PCDH15: variants seen among roughly 807,000 people sequenced by gnomAD.
PCDH15 encodes the protein protocadherin related 15.
Under a neutral mutation model 178.5 loss-of-function variants are expected in PCDH15, and 129 were observed. The ratio of observed to expected loss-of-function variants is 0.72; its 90% CI spans 0.63 to 0.84. The LOEUF is 0.84. Among genes scored for constraint, PCDH15 ranks in the 40% least tolerant of loss-of-function variants. PCDH15 has a pLI of 0.00. For missense variants in PCDH15, 2,230 were observed against 2,099.9 expected, an observed-to-expected ratio of 1.06 and a Z score of -1.21; for synonymous variants, 800 against 732.0, an observed-to-expected ratio of 1.09 and a Z score of -1.50.
At chr10:54,379,467 A>G (rs959899086) in intron 3 of PCDH15, among the ~76,000 whole-genome samples, 1 of 152,148 alleles carries the variant, frequency 6.6e-6, no homozygotes, top group East Asian at 1.9e-4. Context: ...CATGAAAGAC[A>G]AAACTAGTGT....
At chr10:54,778,780 C>T (rs912591690) in intron 1 of PCDH15, among the ~76,000 whole-genome samples, 2 of 151,972 alleles carry the variant, frequency 1.3e-5, no homozygotes, top group Admixed American at 6.6e-5. Flanking sequence ...ATTTAAGAGG[C>T]CTTGATAATT....
intron 3 of PCDH15, among the ~76,000 whole-genome samples, chr10:54,405,918 A>G (rs535464035): frequency 2.6e-5 from 4 of 152,028 alleles, no homozygotes; most frequent in Non-Finnish European, 5.9e-5. Context: ...CACAATTTTT[A>G]AAAAATGTAC....
chr10:55,232,172 G>T (rs1841246099), intron 1 of PCDH15, among the ~76,000 whole-genome samples: 1 of 151,078 alleles, frequency 6.6e-6, no homozygotes, highest in Admixed American at 6.6e-5. Flanking sequence ...AGTTTAATGA[G>T]GTAGATGTTA....
chr10:53,847,750 A>T (rs1195214775), intron 28 of PCDH15, among the ~76,000 whole-genome samples: 1 of 152,028 alleles, frequency 6.6e-6, no homozygotes, highest in Non-Finnish European at 1.5e-5. Flanking sequence ...AGGCCTTTGC[A>T]GCATCTCTGT....
intron 3 of PCDH15, among the ~76,000 whole-genome samples, chr10:54,387,625 T>C (rs905838380): frequency 6.6e-6 from 1 of 152,208 alleles, no homozygotes; most frequent in Non-Finnish European, 1.5e-5. Context: ...AAACTCACCA[T>C]ATCACCACAT....
At chr10:55,085,490 T>C (rs920983612) in intron 2 of PCDH15, among the ~76,000 whole-genome samples, 2 of 151,838 alleles carry the variant, frequency 1.3e-5, no homozygotes, top group African/African-American at 2.4e-5. Flanking sequence ...AAGAGTATAA[T>C]TGGAATGTTT....
At chr10:55,182,730 T>C (rs141815409) in intron 1 of PCDH15, among the ~76,000 whole-genome samples, 390 of 152,068 alleles carry the variant, frequency 2.6e-3, no homozygotes, top group African/African-American at 8.6e-3. Flanking sequence ...ACAAAGTCTA[T>C]GGAAAGAAAA....
intron 2 of PCDH15, among the ~76,000 whole-genome samples, chr10:55,127,048 A>G (rs1374168574): frequency 6.6e-6 from 1 of 151,860 alleles, no homozygotes; most frequent in Non-Finnish European, 1.5e-5. Context: ...TTCAAATATC[A>G]CTCTGACAAT....
chr10:55,318,748 T>G (rs1843799988), intron 1 of PCDH15, among the ~76,000 whole-genome samples: 1 of 152,128 alleles, frequency 6.6e-6, no homozygotes, highest in Admixed American at 6.5e-5. Context: ...ATTTCCAAAC[T>G]AAAGGCACTA....
intron 2 of PCDH15, among the ~76,000 whole-genome samples, chr10:54,956,270 T>C (rs1838482657): frequency 6.6e-6 from 1 of 151,504 alleles, no homozygotes; most frequent in Non-Finnish European, 1.5e-5. Flanking sequence ...ACAGGACTTG[T>C]CTATTTCAAA....
chr10:55,622,066 T>C (rs1283797793), intron 2 of PCDH15, among the ~76,000 whole-genome samples: 1 of 135,792 alleles, frequency 7.4e-6, no homozygotes, highest in Non-Finnish European at 1.5e-5. Flanking sequence ...ATATATAATG[T>C]ATATATAATA....
chr10:54,242,187 T>TACAC lies in PCDH15; in HGVS notation c.877-5260_877-5257dup, dbSNP rs71007827. Among the ~76,000 whole-genome samples the TACAC allele has an allele frequency of 7.6e-4, 58 of 76,802 alleles. 2 individuals carry two copies. The highest frequency in any genetic ancestry group is 1.1e-3 in the Non-Finnish European group (45 of 39,682). The allele number at this position is 76,802 out of a possible 152,430, so 50.4% of individuals were successfully genotyped here. On this transcript the variant is annotated intron_variant, in intron 8 of 37. Transcript: ENST00000644397. ...ATATATATATATATATATATATATA[T>TACAC]ACACACACACACATACATACATACA...
At chr10:55,334,242 A>ATATATATATATATATATTTG (rs1291195941) in intron 2 of PCDH15, among the ~76,000 whole-genome samples, 1 of 72,162 alleles carries the variant, frequency 1.4e-5, no homozygotes, top group African/African-American at 9.5e-5. Context: ...ATATATATAT[A>ATATATATATATATATATTTG]TGTGTGTGTG....
chr10:53,913,842 G>T (rs927025807), intron 25 of PCDH15, among the ~76,000 whole-genome samples: 3 of 151,808 alleles, frequency 2.0e-5, no homozygotes, highest in African/African-American at 7.2e-5. Flanking sequence ...CAGAATGGGA[G>T]AAAATTTTTG....
At chr10:54,784,711 T>C (rs1446308184) in intron 1 of PCDH15, among the ~76,000 whole-genome samples, 1 of 149,540 alleles carries the variant, frequency 6.7e-6, no homozygotes, top group African/African-American at 2.6e-5. Flanking sequence ...AAAATTGTGG[T>C]GCTATGATCA....
intron 3 of PCDH15, among the ~76,000 whole-genome samples, chr10:54,491,480 A>G (rs1198711863): frequency 6.6e-6 from 1 of 152,116 alleles, no homozygotes; most frequent in East Asian, 1.9e-4. Context: ...AAACTACATT[A>G]CCTTGTAACT....
At chr10:55,338,069 A>C (rs908003788) in intron 2 of PCDH15, among the ~76,000 whole-genome samples, 1 of 152,194 alleles carries the variant, frequency 6.6e-6, no homozygotes, top group East Asian at 1.9e-4. Context: ...CAACATTAAT[A>C]ATCATTAGAG....
chr10:54,294,675 A>G (rs1339521745), intron 8 of PCDH15, among the ~76,000 whole-genome samples: 1 of 144,584 alleles, frequency 6.9e-6, no homozygotes, highest in Non-Finnish European at 1.5e-5. Flanking sequence ...AACAGTAATC[A>G]CACACACACA....
intron 2 of PCDH15, among the ~76,000 whole-genome samples, chr10:55,343,864 A>G (rs1844670683): frequency 6.6e-6 from 1 of 152,196 alleles, no homozygotes; most frequent in South Asian, 2.1e-4. Context: ...AACAGAAAAA[A>G]ACTCAATGCC....
Sources: gnomAD v4.1 joint callset for allele counts (sites outside exome capture counted in the v4.1 genomes callset) on GRCh38, gnomAD v4.1.1 for gene constraint, MANE v1.5 for transcripts, NCBI Gene and HGNC (gene_info 2026-07-23, HGNC 2026-07-21) for gene names.